Variants in NBPF11 observed in about 807,000 individuals in gnomAD.
The protein encoded by NBPF11 is NBPF family member NBPF11.
Under a neutral mutation model 93.9 loss-of-function variants are expected in NBPF11, and 72 were observed. That is an observed-to-expected ratio of 0.77 (90% CI 0.63 to 0.93). The LOEUF (loss-of-function observed/expected upper bound fraction) is 0.93, where lower values mean the gene tolerates loss of function less well. Among genes scored for constraint, NBPF11 ranks in the 40% least tolerant of loss-of-function variants. The probability of loss-of-function intolerance (pLI) is 0.00; values close to 1 mark genes in which losing one functional copy is unlikely to be tolerated. For missense variants in NBPF11, 705 were observed against 802.2 expected (o/e 0.88, Z 1.46); for synonymous variants, 224 against 304.9 (o/e 0.73, Z 2.76).
In NBPF11 at chr1:148,126,821, G is replaced by T; in HGVS notation, c.175+8C>A. ...TCACTTTCATGATGGTGAGCCTATAGATCTTACTGTATTTCTTCTGTCGGT... is the reference window on the plus strand; with the variant it reads ...TCACTTTCATGATGGTGAGCCTATATATCTTACTGTATTTCTTCTGTCGGT... On this transcript the variant is annotated splice_region_variant and intron_variant, in intron 5 of 23. Coordinates refer to ENST00000682118, the MANE Select transcript of NBPF11 (RefSeq NM_001385469.3). The T allele has an allele frequency of 6.3e-6, 10 of 1,590,038 alleles. No homozygotes were observed. The South Asian group carries it at 1.1e-4, about 18-fold the overall frequency.
chr1:148,109,975 G>A (rs1277431165), intron 16 of NBPF11, among the ~76,000 whole-genome samples: 1 of 144,676 alleles, frequency 6.9e-6, no homozygotes, highest in African/African-American at 2.6e-5. Context: ...CCTTGGGCAG[G>A]TAAAGAACCA....
intron 4 of NBPF11, among the ~76,000 whole-genome samples, chr1:148,131,948 A>G (rs1670402965): frequency 8.8e-6 from 1 of 113,146 alleles, no homozygotes; most frequent in African/African-American, 3.4e-5. Flanking sequence ...AATTTTAGCC[A>G]TTCTTATGGA....
Position 148,146,993 on chromosome 1 carries a change from G to T in NBPF11, c.-548-3307C>A, listed in dbSNP as rs1404919972. ...GGACCAGGCGGGGGGCCGGGGGGCG[G>T]GCTTCCCTGGGAGGAAGGTGGGCGG... On this transcript the variant is annotated intron_variant, in intron 1 of 23. Coordinates refer to ENST00000682118, the MANE Select transcript of NBPF11 (RefSeq NM_001385469.3). 106 of 1,432,378 alleles carry T rather than the reference G, an allele frequency of 7.4e-5. 1 individual carries two copies. In the Middle Eastern group the frequency reaches 1.8e-3, roughly 24 times the overall value. 88.7% of individuals were successfully genotyped at this position (1,432,378 alleles called of 1,614,324 possible).
intron 5 of NBPF11, among the ~76,000 whole-genome samples, chr1:148,125,466 T>C (rs1251228020): frequency 2.0e-5 from 3 of 152,180 alleles, no homozygotes; most frequent in Admixed American, 6.5e-5. Flanking sequence ...AAATATTTCA[T>C]TTTTAAATCA....
chr1:148,148,422 C>T (rs1195239335), intron 1 of NBPF11, among the ~76,000 whole-genome samples: 3 of 152,104 alleles, frequency 2.0e-5, no homozygotes, highest in Non-Finnish European at 4.4e-5. Flanking sequence ...ACGAGGAGGC[C>T]TTGTAACTGG....
chr1:148,110,263 T>C lies in NBPF11; in HGVS notation c.1801+115A>G. 1.4e-5 allele frequency: 19 copies of C among 1,358,686 alleles called. 2 individuals are homozygous for C. In the South Asian group the frequency reaches 2.1e-4, roughly 15 times the overall value. 84.2% of individuals were successfully genotyped at this position (1,358,686 alleles called of 1,614,324 possible). A position where few individuals can be genotyped will look rare whatever the true frequency, so the allele number is the denominator to read the frequency against. ...ATTGAAATCTACATTGATATATAGGTTCAGCCCACAGTGATGGCAACTCTC... is the reference window on the plus strand; with the variant it reads ...ATTGAAATCTACATTGATATATAGGCTCAGCCCACAGTGATGGCAACTCTC... On this transcript the variant is annotated intron_variant, in intron 16 of 23. Transcript: ENST00000682118.
chr1:148,126,819 T>G lies in NBPF11; in HGVS notation c.175+10A>C. The G allele has an allele frequency of 5.0e-6, 8 of 1,591,660 alleles. No individual in the cohort carries two copies. The highest frequency in any genetic ancestry group is 4.5e-4 in the Middle Eastern group (2 of 4,430). ...CATCACTTTCATGATGGTGAGCCTA[T>G]AGATCTTACTGTATTTCTTCTGTCG... On this transcript the variant is annotated intron_variant, in intron 5 of 23. Transcript: ENST00000682118.
At chr1:148,110,318 T>C in intron 16 of NBPF11, 60 bp downstream of exon 16, 1 of 1,559,334 alleles carries the variant, frequency 6.4e-7, no homozygotes. Flanking sequence ...GGCCCAAAGA[T>C]TATGGGGTCT....
intron 1 of NBPF11, among the ~76,000 whole-genome samples, chr1:148,151,299 C>A (rs1648250701): frequency 6.6e-6 from 1 of 151,952 alleles, no homozygotes; most frequent in Admixed American, 6.5e-5. Context: ...TGCCCATCAC[C>A]AGCCTGGAGA....
chr1:148,146,926 G>A, intron 1 of NBPF11: 44 of 1,604,572 alleles, frequency 2.7e-5, no homozygotes, highest in Non-Finnish European at 3.6e-5. Context: ...CACCAGGTGA[G>A]GGCGACCCTG....
At chr1:148,122,853 C>A (rs1295422823) in intron 7 of NBPF11, 52 bp from the exon 8 acceptor site, 5 of 1,608,116 alleles carry the variant, frequency 3.1e-6, no homozygotes, top group South Asian at 2.2e-5. Context: ...ATTCTGCAAG[C>A]ACAGTCAGCC....
At chr1:148,115,358 T>G (rs1158209451) in intron 14 of NBPF11, among the ~76,000 whole-genome samples, 95 of 149,740 alleles carry the variant, frequency 6.3e-4, no homozygotes, top group Non-Finnish European at 1.2e-3. Flanking sequence ...CAAGCTGACT[T>G]AAAGGAGATC....
intron 6 of NBPF11, 109 bp from the exon 7 acceptor site, chr1:148,124,176 G>T: frequency 1.2e-6 from 1 of 819,970 alleles, no homozygotes; most frequent in Admixed American, 2.1e-5. Flanking sequence ...CCTTCAAGCA[G>T]AAGGTCAGCA....
At position 148,123,894 on chromosome 1, in the gene NBPF11, C is replaced by A; in HGVS notation, c.452G>T (p.Gly151Val). 6.2e-7 allele frequency: 1 copy of A among 1,606,490 alleles called. No individual in the cohort carries two copies. The highest frequency in any genetic ancestry group is 8.5e-7 in the Non-Finnish European group (1 of 1,175,736). ...GQDLQEQLAEGCRLAQHLVQK... is the reference protein window; with the variant it reads ...GQDLQEQLAEVCRLAQHLVQK... ...GACAAGGTGCTGTGCCAGTCTACAC[C>A]CCTCAGCCAGCTGTTCTTGGAGGTC... The change falls in exon 7 of 24, where the codon GGG (glycine) becomes GTG (valine). Residue 151 changes from glycine (G) to valine (V), a missense_variant. Gly to Val is a moderately radical substitution (Grantham distance 109, BLOSUM62 -3). Around this residue, in one of 12 missense-constraint regions of NBPF11, gnomAD observed 10 missense variants for 65.1 expected, o/e 0.15. Transcript: ENST00000682118.
At chr1:148,109,473 G>A in intron 16 of NBPF11, 138 bp from the exon 17 acceptor site, 2 of 736,760 alleles carry the variant, frequency 2.7e-6, no homozygotes, top group Non-Finnish European at 4.8e-6. Context: ...AAATATTCCA[G>A]TAGGCCTGAG....
intron 11 of NBPF11, among the ~76,000 whole-genome samples, chr1:148,118,181 G>C (rs1209164102): frequency 6.8e-6 from 1 of 146,708 alleles, no homozygotes; most frequent in East Asian, 2.1e-4. Flanking sequence ...ATGCAGATAG[G>C]GCGAATTGAA....
chr1:148,108,129 G>A (rs1213813887), intron 18 of NBPF11, among the ~76,000 whole-genome samples: 1 of 148,722 alleles, frequency 6.7e-6, no homozygotes, highest in Non-Finnish European at 1.5e-5. Flanking sequence ...GTTCATGGTA[G>A]TGAGGATTTT....
chr1:148,102,518 C>T lies in NBPF11; in HGVS notation c.*1378G>A, dbSNP rs1462685661. 4 of 151,678 alleles carry T rather than the reference C, an allele frequency of 2.6e-5. No homozygotes were observed. The highest frequency in any genetic ancestry group is 7.3e-5 in the African/African-American group (3 of 41,014). 9.4% of individuals were successfully genotyped at this position (151,678 alleles called of 1,614,324 possible). Reference sequence around the variant, plus strand: ...TCATAATGGTGTTGGACAAACTAGACCTTCTCTGCCCGCAGATGGGCTGAG... The same window carrying T: ...TCATAATGGTGTTGGACAAACTAGATCTTCTCTGCCCGCAGATGGGCTGAG... On this transcript the variant is annotated 3_prime_UTR_variant, in exon 24 of 24. Coordinates refer to ENST00000682118, the MANE Select transcript of NBPF11 (RefSeq NM_001385469.3).
rs1467291802 is a variant in NBPF11, at chr1:148,149,207, G to A, written c.-549+2543C>T. 49 of 1,551,142 alleles carry A rather than the reference G, an allele frequency of 3.2e-5. 3 individuals carry two copies. The highest frequency in any genetic ancestry group is 2.3e-4 in the Middle Eastern group (1 of 4,328). ...CATCATCCTGTACGGGCAGAGCATCGGCACGGTGCCCACCATGGACCTGGC... is the reference window on the plus strand; with the variant it reads ...CATCATCCTGTACGGGCAGAGCATCAGCACGGTGCCCACCATGGACCTGGC... On this transcript the variant is annotated intron_variant, in intron 1 of 23. Transcript: ENST00000682118.
Sources: gnomAD v4.1 joint callset for allele counts (sites outside exome capture counted in the v4.1 genomes callset) on GRCh38, gnomAD v4.1.1 for gene constraint, gnomAD v4.1.1 regional missense constraint, MANE v1.5 for transcripts, NCBI Gene and HGNC (gene_info 2026-07-23, HGNC 2026-07-21) for gene names.